ST6GALNAC5: variants seen among roughly 807,000 people sequenced by gnomAD.
The protein encoded by ST6GALNAC5 is alpha-N-acetylgalactosaminide alpha-2,6-sialyltransferase 5.
Under a neutral mutation model 33.6 loss-of-function variants are expected in ST6GALNAC5, and 27 were observed. That is an observed-to-expected ratio of 0.80 (90% CI 0.59 to 1.11). ST6GALNAC5 has a LOEUF of 1.11. ST6GALNAC5 is among the 50% of genes least tolerant of loss of function. The pLI, the probability that ST6GALNAC5 is intolerant of heterozygous loss-of-function variation, is 0.00. For missense variants in ST6GALNAC5, 428 were observed against 454.0 expected (o/e 0.94, Z 0.52); for synonymous variants, 194 against 171.2 (o/e 1.13, Z -1.04).
chr1:76,963,500 C>G (rs1283336749), intron 2 of ST6GALNAC5, among the ~76,000 whole-genome samples: 1 of 152,182 alleles, frequency 6.6e-6, no homozygotes, highest in Non-Finnish European at 1.5e-5. Flanking sequence ...GGAAGACATT[C>G]AGGACAGACC....
At chr1:77,031,263 A>C (rs940721549) in intron 2 of ST6GALNAC5, among the ~76,000 whole-genome samples, 1 of 152,222 alleles carries the variant, frequency 6.6e-6, no homozygotes, top group African/African-American at 2.4e-5. Flanking sequence ...CTGGTAGCTC[A>C]TCAAGATGGT....
chr1:76,962,471 T>G lies in ST6GALNAC5; in HGVS notation c.262-81733T>G, dbSNP rs560991383. Among the ~76,000 whole-genome samples the G allele has an allele frequency of 7.7e-4, 118 of 152,316 alleles. 1 individual carries two copies. The highest frequency in any genetic ancestry group is 7.3e-5 in the Non-Finnish European group (5 of 68,028). Reference sequence around the variant, plus strand: ...ATGTGATAATGTCACCTGCTTTCATTTTAACAGAGACCTATTTACACAATG... The same window carrying G: ...ATGTGATAATGTCACCTGCTTTCATGTTAACAGAGACCTATTTACACAATG... On this transcript the variant is annotated intron_variant, in intron 2 of 4. Transcript: ENST00000477717.
At chr1:76,948,693 C>T (rs1647626052) in intron 2 of ST6GALNAC5, among the ~76,000 whole-genome samples, 1 of 151,972 alleles carries the variant, frequency 6.6e-6, no homozygotes, top group Admixed American at 6.6e-5. Context: ...ATATCCTTCT[C>T]ACTCTACTTT....
intron 2 of ST6GALNAC5, among the ~76,000 whole-genome samples, chr1:76,872,346 A>G (rs1653530658): frequency 6.6e-6 from 1 of 152,108 alleles, no homozygotes; most frequent in Non-Finnish European, 1.5e-5. Flanking sequence ...CCTTTACTGA[A>G]ATGGCTTATG....
At chr1:76,910,731 G>A (rs1024376693) in intron 2 of ST6GALNAC5, among the ~76,000 whole-genome samples, 8 of 152,122 alleles carry the variant, frequency 5.3e-5, no homozygotes, top group African/African-American at 1.9e-4. Context: ...ATTAACGTCT[G>A]CATCCATACA....
chr1:76,919,328 C>A (rs528580213), intron 2 of ST6GALNAC5, among the ~76,000 whole-genome samples: 1 of 152,254 alleles, frequency 6.6e-6, no homozygotes, highest in East Asian at 1.9e-4. Flanking sequence ...AAGTACCAAG[C>A]AGCTTGTAGG....
At chr1:76,974,773 CTTTTTTTTTTTTT>C (rs60357939) in intron 2 of ST6GALNAC5, among the ~76,000 whole-genome samples, 1 of 35,238 alleles carries the variant, frequency 2.8e-5, no homozygotes, top group East Asian at 1.1e-3. Flanking sequence ...TTCTTTCTTT[CTTTTTTTTTTTTT>C]TTTTTTTTTT....
At chr1:76,966,777 T>C (rs1648507616) in intron 2 of ST6GALNAC5, among the ~76,000 whole-genome samples, 1 of 152,244 alleles carries the variant, frequency 6.6e-6, no homozygotes, top group Admixed American at 6.5e-5. Flanking sequence ...GTTCCATCAA[T>C]ACCTAGTTTA....
Position 76,906,816 on chromosome 1 carries a change from C to T in ST6GALNAC5, c.261+38074C>T, listed in dbSNP as rs79659971. ...ACTAGACACATTCCCTTGAATGCCCCGTAGGTACTTTATTTCAACATATTC... is the reference window on the plus strand; with the variant it reads ...ACTAGACACATTCCCTTGAATGCCCTGTAGGTACTTTATTTCAACATATTC... On this transcript the variant is annotated intron_variant, in intron 2 of 4. Coordinates refer to ENST00000477717, the MANE Select transcript of ST6GALNAC5 (RefSeq NM_030965.3). Among the ~76,000 whole-genome samples the T allele has an allele frequency of 7.4e-3, 1,122 of 152,220 alleles. 8 individuals are homozygous for T. The highest frequency in any genetic ancestry group is 0.011 in the Non-Finnish European group (737 of 68,000).
At chr1:76,992,509 A>AT (rs1171361250) in intron 2 of ST6GALNAC5, among the ~76,000 whole-genome samples, 1 of 151,990 alleles carries the variant, frequency 6.6e-6, no homozygotes, top group African/African-American at 2.4e-5. Context: ...ATTTTATTTT[A>AT]TTTGAGACCG....
Position 76,998,907 on chromosome 1 carries a change from C to CA in ST6GALNAC5, c.262-45296dup, listed in dbSNP as rs562349594. Among the ~76,000 whole-genome samples, 506 of 152,262 alleles carry CA rather than the reference C, an allele frequency of 3.3e-3. 10 individuals carry two copies. Among genetic ancestry groups the CA allele is most frequent in the African/African-American group, 0.012 (487 of 41,548 alleles). On this transcript the variant is annotated intron_variant, in intron 2 of 4. Coordinates refer to ENST00000477717, the MANE Select transcript of ST6GALNAC5 (RefSeq NM_030965.3). ...ATAACAGCCAGCCTGTTATAGAAGA[C>CA]AGGCAGTGTTTTCATACCTGGAATA... is the stretch of plus-strand genomic sequence containing the variant.
At chr1:77,002,431 C>CA (rs1216994566) in intron 2 of ST6GALNAC5, among the ~76,000 whole-genome samples, 1 of 152,072 alleles carries the variant, frequency 6.6e-6, no homozygotes, top group East Asian at 1.9e-4. Flanking sequence ...TTGCTCCTTT[C>CA]AAAAAACCAG....
chr1:76,907,537 G>C (rs980318253), intron 2 of ST6GALNAC5, among the ~76,000 whole-genome samples: 3 of 152,140 alleles, frequency 2.0e-5, no homozygotes, highest in African/African-American at 7.2e-5. Flanking sequence ...GTACTAGTGA[G>C]AGAAAGCCCT....
chr1:77,059,982 C>T (rs1286315677), intron 4 of ST6GALNAC5, among the ~76,000 whole-genome samples: 1 of 152,112 alleles, frequency 6.6e-6, no homozygotes, highest in East Asian at 1.9e-4. Flanking sequence ...AATACCTGTG[C>T]CTGAGTTCCT....
chr1:76,979,610 T>C (rs1358127439), intron 2 of ST6GALNAC5, among the ~76,000 whole-genome samples: 2 of 152,160 alleles, frequency 1.3e-5, no homozygotes, highest in Non-Finnish European at 2.9e-5. Context: ...TCTCACGATA[T>C]GCAAAAATCA....
intron 2 of ST6GALNAC5, among the ~76,000 whole-genome samples, chr1:76,879,768 C>T (rs577566112): frequency 3.9e-5 from 6 of 152,154 alleles, no homozygotes; most frequent in Admixed American, 3.9e-4. Context: ...GGAAGCTGTT[C>T]CTTCTGGCAA....
intron 2 of ST6GALNAC5, among the ~76,000 whole-genome samples, chr1:76,949,366 GC>G (rs1647654635): frequency 6.6e-6 from 1 of 152,112 alleles, no homozygotes; most frequent in Non-Finnish European, 1.5e-5. Flanking sequence ...GCTCAGTTTT[GC>G]CATCAGAGAT....
intron 2 of ST6GALNAC5, among the ~76,000 whole-genome samples, chr1:76,871,804 GA>G (rs1406885415): frequency 1.3e-5 from 2 of 152,114 alleles, no homozygotes; most frequent in Non-Finnish European, 2.9e-5. Flanking sequence ...TTGTCATAAT[GA>G]AGGCATTTTC....
At chr1:76,944,168 A>C in intron 2 of ST6GALNAC5, among the ~76,000 whole-genome samples, 1 of 152,244 alleles carries the variant, frequency 6.6e-6, no homozygotes, top group East Asian at 1.9e-4. Flanking sequence ...CCAGAAACCT[A>C]GAGGAAAATG....
Sources: gnomAD v4.1 joint callset for allele counts (sites outside exome capture counted in the v4.1 genomes callset) on GRCh38, gnomAD v4.1.1 for gene constraint, MANE v1.5 for transcripts, NCBI Gene and HGNC (gene_info 2026-07-23, HGNC 2026-07-21) for gene names.